The following PALLD variants were observed in gnomAD, a reference collection of about 807,000 sequenced individuals.
PALLD encodes palladin, cytoskeletal associated protein.
In PALLD, 61 loss-of-function variants were observed where a neutral mutation model predicts 123.5. The ratio of observed to expected loss-of-function variants is 0.49; its 90% confidence interval spans 0.40 to 0.61. The LOEUF (loss-of-function observed/expected upper bound fraction) is 0.61, where lower values mean the gene tolerates loss of function less well. Ranked by LOEUF, PALLD falls within the 20% of genes least tolerant of loss-of-function variation. The pLI is 0.00. For missense variants in PALLD, 1,273 were observed against 1,377.0 expected (o/e 0.92, Z 1.20); for synonymous variants, 465 against 496.4 (o/e 0.94, Z 0.84).
chr4:168,559,403 C>G (rs1767636413), intron 2 of PALLD, among the ~76,000 whole-genome samples: 1 of 129,104 alleles, frequency 7.7e-6, no homozygotes. Flanking sequence ...GATACAGAAA[C>G]TATTTGCTCA....
At chr4:168,499,310 GGGAGGGAGACATGGAA>G (rs2149387254) in intron 1 of PALLD, among the ~76,000 whole-genome samples, 4 of 89,936 alleles carry the variant, frequency 4.4e-5, no homozygotes, top group South Asian at 4.7e-4. Context: ...GAGGGAGGAA[GGGAGGGAGACATGGAA>G]GAAGGGGGAA....
chr4:168,658,976 G>A lies in PALLD; in HGVS notation c.909-9214G>A, dbSNP rs921028118. On this transcript the variant is annotated intron_variant, in intron 2 of 21. Coordinates refer to ENST00000505667, the MANE Select transcript of PALLD (RefSeq NM_001166108.2). Reference sequence around the variant, plus strand: ...TATAGCCATAGTAAATTTAGACAACGATTAATTTCACTTCGGTCTGCCTAT... The same window carrying A: ...TATAGCCATAGTAAATTTAGACAACAATTAATTTCACTTCGGTCTGCCTAT... 5.9e-5 allele frequency among the ~76,000 whole-genome samples: 9 copies of A among 152,334 alleles called. No homozygotes were observed. In the South Asian group the frequency reaches 8.3e-4, roughly 14 times the overall value.
chr4:168,724,920 A>G (rs1436646951), intron 10 of PALLD, among the ~76,000 whole-genome samples: 1 of 152,218 alleles, frequency 6.6e-6, no homozygotes, highest in Non-Finnish European at 1.5e-5. Context: ...TAATTTCTGT[A>G]TCTACATTCC....
chr4:168,859,925 TTG>T (rs1749193093), intron 10 of PALLD, among the ~76,000 whole-genome samples: 1 of 152,354 alleles, frequency 6.6e-6, no homozygotes, highest in Admixed American at 6.5e-5. Flanking sequence ...AATATAAAAA[TTG>T]TCATAAGATC....
intron 10 of PALLD, among the ~76,000 whole-genome samples, chr4:168,767,683 G>C (rs1381065685): frequency 6.6e-6 from 1 of 152,026 alleles, no homozygotes; most frequent in Non-Finnish European, 1.5e-5. Context: ...AAGTAGCTGG[G>C]ATTACGGGGA....
intron 10 of PALLD, among the ~76,000 whole-genome samples, chr4:168,851,232 C>T (rs1025033684): frequency 6.6e-6 from 1 of 152,214 alleles, no homozygotes; most frequent in Non-Finnish European, 1.5e-5. Flanking sequence ...TATGTCTCTC[C>T]TCCATACCCC....
At chr4:168,575,989 G>T (rs1359291547) in intron 2 of PALLD, among the ~76,000 whole-genome samples, 1 of 152,048 alleles carries the variant, frequency 6.6e-6, no homozygotes, top group Non-Finnish European at 1.5e-5. Flanking sequence ...TTCTATTACA[G>T]GTAATCCATA....
chr4:168,809,556 G>A (rs1740758789), intron 10 of PALLD, among the ~76,000 whole-genome samples: 1 of 152,132 alleles, frequency 6.6e-6, no homozygotes, highest in East Asian at 1.9e-4. Context: ...TCTGGAAAAT[G>A]TCTGTATTCA....
chr4:168,840,998 G>A (rs1455444302), intron 10 of PALLD, among the ~76,000 whole-genome samples: 3 of 151,990 alleles, frequency 2.0e-5, no homozygotes, highest in Non-Finnish European at 2.9e-5. Context: ...TTACAGGTGC[G>A]TGCCACCACG....
intron 10 of PALLD, among the ~76,000 whole-genome samples, chr4:168,824,335 C>T (rs547893404): frequency 6.6e-6 from 1 of 152,190 alleles, no homozygotes; most frequent in Non-Finnish European, 1.5e-5. Flanking sequence ...ATTCTAAACT[C>T]TTATTTCTCT....
intron 10 of PALLD, among the ~76,000 whole-genome samples, chr4:168,718,065 G>C (rs1785537672): frequency 6.6e-6 from 1 of 152,160 alleles, no homozygotes; most frequent in Non-Finnish European, 1.5e-5. Context: ...TTGTGGTGAA[G>C]GGCCAAGAGC....
chr4:168,728,833 G>T (rs1055033068), intron 10 of PALLD, among the ~76,000 whole-genome samples: 23 of 152,078 alleles, frequency 1.5e-4, no homozygotes, highest in African/African-American at 5.6e-4. Context: ...CACCATATTT[G>T]TAGTATTTTA....
rs544783534 is a variant in PALLD, at chr4:168,773,560, G to A, written c.1964+61637G>A. ...ATCACTGCCACCACTTCACAGGTGA[G>A]AAAAGTGAGGCAGACAACAGACAAG... On this transcript the variant is annotated intron_variant, in intron 10 of 21. Coordinates refer to ENST00000505667, the MANE Select transcript of PALLD (RefSeq NM_001166108.2). Among the ~76,000 whole-genome samples, 103 of 152,322 alleles carry A rather than the reference G, an allele frequency of 6.8e-4. 1 individual carries two copies. The South Asian group carries it at 0.01, about 15-fold the overall frequency.
intron 15 of PALLD, among the ~76,000 whole-genome samples, chr4:168,908,768 A>G (rs898512809): frequency 2.6e-5 from 4 of 152,220 alleles, no homozygotes; most frequent in Admixed American, 1.3e-4. Context: ...TAGTTCAGTA[A>G]TGAAACACAG....
chr4:168,538,637 G>A (rs1261933149), intron 2 of PALLD, among the ~76,000 whole-genome samples: 2 of 151,888 alleles, frequency 1.3e-5, no homozygotes, highest in Non-Finnish European at 2.9e-5. Flanking sequence ...ATAAATCTTG[G>A]TTTCTTATTG....
chr4:168,600,035 A>ATGTGTG (rs1244928618), intron 2 of PALLD, among the ~76,000 whole-genome samples: 3 of 151,066 alleles, frequency 2.0e-5, no homozygotes, highest in Non-Finnish European at 4.4e-5. Context: ...ACACACATAC[A>ATGTGTG]TACATGTGTA....
intron 10 of PALLD, among the ~76,000 whole-genome samples, chr4:168,820,675 C>T (rs1742584985): frequency 6.6e-6 from 1 of 151,964 alleles, no homozygotes; most frequent in Non-Finnish European, 1.5e-5. Flanking sequence ...TTTGAAAATA[C>T]ACCTAAAGTA....
chr4:168,814,872 G>A (rs1741686170), intron 10 of PALLD, among the ~76,000 whole-genome samples: 1 of 152,206 alleles, frequency 6.6e-6, no homozygotes, highest in Admixed American at 6.5e-5. Flanking sequence ...CTGGGTTCAA[G>A]CAATTCTCCT....
At chr4:168,868,362 A>G (rs1462045487) in intron 10 of PALLD, among the ~76,000 whole-genome samples, 1 of 152,226 alleles carries the variant, frequency 6.6e-6, no homozygotes, top group Non-Finnish European at 1.5e-5. Context: ...GAAGAATGGT[A>G]GAGAATAAAA....
Sources: allele counts gnomAD v4.1 joint callset (sites outside exome capture counted in the v4.1 genomes callset), GRCh38; gene constraint gnomAD v4.1.1; transcripts MANE v1.5; gene names NCBI Gene and HGNC (gene_info 2026-07-23, HGNC 2026-07-21).